The following ARHGEF28 variants were observed in gnomAD, a reference collection of about 807,000 sequenced individuals.
ARHGEF28 encodes 190 kDa guanine nucleotide exchange factor.
Under a neutral mutation model 206.6 loss-of-function variants are expected in ARHGEF28, and 152 were observed. The ratio of observed to expected loss-of-function variants is 0.74; its 90% confidence interval spans 0.64 to 0.84. ARHGEF28 has a LOEUF of 0.84. ARHGEF28 is among the 40% of genes least tolerant of loss of function. The pLI is 0.00. For synonymous variants in ARHGEF28, 763 were observed against 776.4 expected (o/e 0.98, Z 0.29); for missense variants, 2,028 against 2,073.2 (o/e 0.98, Z 0.42).
chr5:73,713,196 A>G (rs1284165969), intron 2 of ARHGEF28, among the ~76,000 whole-genome samples: 1 of 152,214 alleles, frequency 6.6e-6, no homozygotes, highest in Non-Finnish European at 1.5e-5. Context: ...TCTGTTTGTC[A>G]GTGGTCAGCC....
intron 9 of ARHGEF28, among the ~76,000 whole-genome samples, chr5:73,798,189 G>A (rs532564654): frequency 6.6e-6 from 1 of 152,244 alleles, no homozygotes; most frequent in South Asian, 2.1e-4. Context: ...GGGGAATGGA[G>A]TATCCATCCC....
At chr5:73,777,655 C>T (rs1431647532) in intron 6 of ARHGEF28, among the ~76,000 whole-genome samples, 1 of 152,172 alleles carries the variant, frequency 6.6e-6, no homozygotes, top group Non-Finnish European at 1.5e-5. Context: ...ACATGGTCTT[C>T]AGAGTATGAT....
chr5:73,888,487 G>C (rs970272276), intron 26 of ARHGEF28, among the ~76,000 whole-genome samples: 25 of 152,156 alleles, frequency 1.6e-4, no homozygotes, highest in Admixed American at 1.6e-3. Context: ...GGAAGGTGGG[G>C]ACCATTTTGT....
chr5:73,824,001 G>C (rs1756747226), intron 9 of ARHGEF28, among the ~76,000 whole-genome samples: 1 of 152,178 alleles, frequency 6.6e-6, no homozygotes, highest in South Asian at 2.1e-4. Flanking sequence ...GTAGTGTCTG[G>C]TATAATTACC....
At chr5:73,736,263 G>C (rs1244900253) in intron 2 of ARHGEF28, among the ~76,000 whole-genome samples, 2 of 152,166 alleles carry the variant, frequency 1.3e-5, no homozygotes, top group Non-Finnish European at 2.9e-5. Flanking sequence ...TCAATGCACC[G>C]GGCTGTCTCT....
At chr5:73,677,027 A>T (rs1257311049) in intron 1 of ARHGEF28, among the ~76,000 whole-genome samples, 2 of 152,238 alleles carry the variant, frequency 1.3e-5, no homozygotes, top group Non-Finnish European at 2.9e-5. Flanking sequence ...TATTTACACC[A>T]TTCAGTAACA....
intron 2 of ARHGEF28, among the ~76,000 whole-genome samples, chr5:73,737,531 G>A (rs1366961023): frequency 2.5e-5 from 1 of 40,688 alleles, no homozygotes; most frequent in Non-Finnish European, 5.6e-5. Flanking sequence ...TCTTTTTTGT[G>A]ATGGAGTTTT....
chr5:73,654,499 G>A lies in ARHGEF28; in HGVS notation c.-12+28177G>A, dbSNP rs1444990896. The stretch of plus-strand genomic sequence containing the variant: ...TTAGTCGTGGGCCTCATGGCCTGGA[G>A]AGAGCTGGGGCTGAAAGTCTGAAAG... On this transcript the variant is annotated intron_variant, in intron 1 of 35. Transcript: ENST00000513042. Among the ~76,000 whole-genome samples the A allele has an allele frequency of 2.0e-5, 3 of 152,192 alleles. No homozygotes were observed. In the East Asian group the frequency reaches 5.8e-4, roughly 29 times the overall value.
chr5:73,630,561 G>T (rs1276116641), intron 1 of ARHGEF28, among the ~76,000 whole-genome samples: 3 of 152,180 alleles, frequency 2.0e-5, no homozygotes, highest in African/African-American at 4.8e-5. Context: ...AGGATAAAAG[G>T]GTAGCAGGTT....
At position 73,664,954 on chromosome 5, in the gene ARHGEF28, A is replaced by G. The variant is rs541995525; in HGVS notation, c.-11-19887A>G. On this transcript the variant is annotated intron_variant, in intron 1 of 35. Coordinates refer to ENST00000513042, the MANE Select transcript of ARHGEF28 (RefSeq NM_001177693.2). Reference sequence around the variant, plus strand: ...CCCATGCTAGGAACCAAGGAGTCACATTAATTCTGCCTAGTTCTTATTTCC... The same window carrying G: ...CCCATGCTAGGAACCAAGGAGTCACGTTAATTCTGCCTAGTTCTTATTTCC... Among the ~76,000 whole-genome samples the G allele has an allele frequency of 1.6e-4, 24 of 152,284 alleles. 1 individual carries two copies. Among genetic ancestry groups the G allele is most frequent in the Admixed American group, 1.4e-3 (21 of 15,288 alleles).
intron 3 of ARHGEF28, among the ~76,000 whole-genome samples, chr5:73,750,213 C>T (rs1271618209): frequency 6.6e-6 from 1 of 152,058 alleles, no homozygotes; most frequent in Non-Finnish European, 1.5e-5. Flanking sequence ...CCAGGCAGAC[C>T]CATCCTATTG....
chr5:73,830,746 A>G (rs1391301826), intron 9 of ARHGEF28, among the ~76,000 whole-genome samples: 2 of 151,986 alleles, frequency 1.3e-5, no homozygotes, highest in Non-Finnish European at 2.9e-5. Flanking sequence ...TGATGTCCTC[A>G]TTACCTTCCA....
At chr5:73,901,325 G>A (rs367939786) in intron 31 of ARHGEF28, 41 bp downstream of exon 31, 164 of 1,535,692 alleles carry the variant, frequency 1.1e-4, no homozygotes, top group Non-Finnish European at 1.4e-4. Flanking sequence ...AGCGGTTACT[G>A]TGTATAATAA....
chr5:73,938,199 C>CACACACACAA (rs1386320876), intron 35 of ARHGEF28, among the ~76,000 whole-genome samples: 1 of 150,474 alleles, frequency 6.6e-6, no homozygotes, highest in Non-Finnish European at 1.5e-5. Context: ...CACACACACA[C>CACACACACAA]AACTCCCCAT....
rs145893606 is a variant in ARHGEF28, at chr5:73,884,296, G to C, written c.3055+412G>C. Among the ~76,000 whole-genome samples the C allele has an allele frequency of 1.6e-3, 250 of 152,276 alleles. 6 individuals are homozygous for C. In the East Asian group the frequency reaches 0.042, roughly 26 times the overall value. On this transcript the variant is annotated intron_variant, in intron 24 of 35. Transcript: ENST00000513042. Reference sequence around the variant, plus strand: ...TTAAGTTGAGAGGGATTATAAGAAGGATCTATTTTTGACCCTGTCAATTCA... The same window carrying C: ...TTAAGTTGAGAGGGATTATAAGAAGCATCTATTTTTGACCCTGTCAATTCA...
chr5:73,829,029 C>T (rs1332446179), intron 9 of ARHGEF28, among the ~76,000 whole-genome samples: 1 of 152,168 alleles, frequency 6.6e-6, no homozygotes, highest in Non-Finnish European at 1.5e-5. Flanking sequence ...TCATGTTGCC[C>T]AGGCTGGTCT....
At chr5:73,669,064 C>T (rs1746144523) in intron 1 of ARHGEF28, among the ~76,000 whole-genome samples, 1 of 152,110 alleles carries the variant, frequency 6.6e-6, no homozygotes, top group Non-Finnish European at 1.5e-5. Flanking sequence ...TTTGTATTTG[C>T]CCATAAGTGG....
intron 2 of ARHGEF28, among the ~76,000 whole-genome samples, chr5:73,732,431 G>A (rs886334153): frequency 2.0e-5 from 3 of 151,654 alleles, no homozygotes; most frequent in Admixed American, 6.6e-5. Context: ...GAATGCTAAC[G>A]CTAATACCAT....
chr5:73,815,667 G>A (rs369879638), intron 9 of ARHGEF28, among the ~76,000 whole-genome samples: 2 of 152,162 alleles, frequency 1.3e-5, no homozygotes, highest in Non-Finnish European at 2.9e-5. Flanking sequence ...TTAATGATGA[G>A]GAGGCCAGTG....
Sources: allele counts gnomAD v4.1 joint callset (sites outside exome capture counted in the v4.1 genomes callset), GRCh38; gene constraint gnomAD v4.1.1; transcripts MANE v1.5; gene names NCBI Gene and HGNC (gene_info 2026-07-23, HGNC 2026-07-21).